Variants in ADAMTSL1 observed in about 807,000 individuals in gnomAD.
ADAMTSL1 encodes ADAMTS like 1.
A neutral mutation model predicts 201.8 loss-of-function variants in ADAMTSL1; 126 were observed. That is an observed-to-expected ratio of 0.62 (90% CI 0.54 to 0.72). The LOEUF (loss-of-function observed/expected upper bound fraction) is 0.72, where lower values mean the gene tolerates loss of function less well. ADAMTSL1 is among the 30% of genes least tolerant of loss of function. The pLI is 0.00. For synonymous variants in ADAMTSL1, 1,121 were observed against 903.4 expected, an observed-to-expected ratio of 1.24 and a Z score of -4.32; for missense variants, 2,679 against 2,277.8, an observed-to-expected ratio of 1.18 and a Z score of -3.59.
At chr9:18,521,328 A>G (rs898581417) in intron 2 of ADAMTSL1, among the ~76,000 whole-genome samples, 16 of 152,198 alleles carry the variant, frequency 1.1e-4, no homozygotes, top group African/African-American at 3.9e-4. Flanking sequence ...TTTGTAACAC[A>G]AAGGATAAGT....
intron 20 of ADAMTSL1, among the ~76,000 whole-genome samples, chr9:18,809,246 G>A (rs577092255): frequency 6.6e-6 from 1 of 152,308 alleles, no homozygotes; most frequent in East Asian, 1.9e-4. Flanking sequence ...TGCTTTATAT[G>A]GAGTGGTTAG....
Position 18,102,699 on chromosome 9 carries a change from A to T in ADAMTSL1, c.88-61163A>T, listed in dbSNP as rs58927234. Among the ~76,000 whole-genome samples the T allele has an allele frequency of 3.0e-3, 453 of 152,310 alleles. 3 individuals are homozygous for T. Among genetic ancestry groups the T allele is most frequent in the African/African-American group, 0.01 (421 of 41,566 alleles). ...AAATCATGGCGTGTGTCCAGTCAGT[A>T]CCAAATAGACCAGTTTTTCTGTATG... On this transcript the variant is annotated intron_variant, in intron 1 of 29. Coordinates refer to the ADAMTSL1 transcript ENST00000680146.
chr9:18,395,505 G>A (rs1392115413), intron 2 of ADAMTSL1, among the ~76,000 whole-genome samples: 1 of 152,132 alleles, frequency 6.6e-6, no homozygotes, highest in African/African-American at 2.4e-5. Context: ...AAAGCCTTGA[G>A]GATTTGCACT....
intron 15 of ADAMTSL1, among the ~76,000 whole-genome samples, chr9:18,748,996 G>A (rs765698680): frequency 2.0e-5 from 3 of 152,236 alleles, no homozygotes; most frequent in South Asian, 2.1e-4. Flanking sequence ...TAGATGCATC[G>A]CTCCAGTCTC....
intron 1 of ADAMTSL1, among the ~76,000 whole-genome samples, chr9:18,482,027 A>G (rs927608683): frequency 6.6e-6 from 1 of 152,238 alleles, no homozygotes; most frequent in Non-Finnish European, 1.5e-5. Flanking sequence ...ATTTGGAATT[A>G]TATTTCTGTC....
chr9:18,732,194 T>C (rs974160451), intron 15 of ADAMTSL1, among the ~76,000 whole-genome samples: 1 of 152,222 alleles, frequency 6.6e-6, no homozygotes, highest in African/African-American at 2.4e-5. Flanking sequence ...TAGACCTTCA[T>C]AATAATTTTA....
chr9:18,523,127 C>G (rs1041705710), intron 2 of ADAMTSL1, among the ~76,000 whole-genome samples: 17 of 152,018 alleles, frequency 1.1e-4, no homozygotes, highest in Admixed American at 7.9e-4. Context: ...TTTAATGATC[C>G]CCATTCTAAC....
intron 23 of ADAMTSL1, among the ~76,000 whole-genome samples, chr9:18,883,663 A>G (rs1051928684): frequency 6.6e-6 from 1 of 152,196 alleles, no homozygotes; most frequent in African/African-American, 2.4e-5. Flanking sequence ...AAGTGGAATC[A>G]TACAATATTT....
chr9:18,101,603 G>A (rs1344406078), intron 1 of ADAMTSL1, among the ~76,000 whole-genome samples: 1 of 152,166 alleles, frequency 6.6e-6, no homozygotes, highest in African/African-American at 2.4e-5. Context: ...ATATTTGTTA[G>A]TTGAGCCCCT....
chr9:18,421,805 T>G (rs922900999), intron 2 of ADAMTSL1, among the ~76,000 whole-genome samples: 2 of 152,142 alleles, frequency 1.3e-5, no homozygotes, highest in African/African-American at 4.8e-5. Flanking sequence ...TAAATGGTAG[T>G]TATTACAGGT....
intron 2 of ADAMTSL1, among the ~76,000 whole-genome samples, chr9:18,220,366 G>A (rs375435514): frequency 6.6e-6 from 1 of 152,228 alleles, no homozygotes; most frequent in African/African-American, 2.4e-5. Context: ...TTACCATTAT[G>A]TAGTGACCCT....
intron 23 of ADAMTSL1, among the ~76,000 whole-genome samples, chr9:18,886,718 CA>C (rs1313078451): frequency 6.6e-6 from 1 of 152,192 alleles, no homozygotes; most frequent in African/African-American, 2.4e-5. Flanking sequence ...TTCGTGAGGA[CA>C]GAGCCCATGT....
At chr9:18,843,531 A>G (rs1490511047) in intron 23 of ADAMTSL1, among the ~76,000 whole-genome samples, 1 of 150,382 alleles carries the variant, frequency 6.6e-6, no homozygotes, top group African/African-American at 2.5e-5. Context: ...GCTCTTCTCG[A>G]GGAGTATCTT....
rs144705055 is a variant in ADAMTSL1, at chr9:18,263,664, A to G, written c.207+99683A>G. Among the ~76,000 whole-genome samples the G allele has an allele frequency of 6.0e-3, 919 of 152,274 alleles. 10 individuals are homozygous for G. The highest frequency in any genetic ancestry group is 0.021 in the African/African-American group (892 of 41,550). The stretch of plus-strand genomic sequence containing the variant: ...AAGTCCTAATCCCCAGTGGGGCTGT[A>G]TTTGGAGATGGACCCCCTAAGGGAG... On this transcript the variant is annotated intron_variant, in intron 2 of 29. Coordinates refer to the ADAMTSL1 transcript ENST00000680146.
intron 1 of ADAMTSL1, among the ~76,000 whole-genome samples, chr9:18,030,105 T>C (rs1035996959): frequency 1.3e-5 from 2 of 152,238 alleles, no homozygotes; most frequent in Non-Finnish European, 2.9e-5. Context: ...CACATATGTT[T>C]ATTGCGGCAT....
At chr9:18,266,929 T>C (rs1832140668) in intron 2 of ADAMTSL1, among the ~76,000 whole-genome samples, 1 of 152,164 alleles carries the variant, frequency 6.6e-6, no homozygotes, top group South Asian at 2.1e-4. Flanking sequence ...CCTGTTGGAA[T>C]TGCATTGTTT....
intron 2 of ADAMTSL1, among the ~76,000 whole-genome samples, chr9:18,166,425 A>G (rs1186094015): frequency 1.3e-5 from 2 of 151,972 alleles, no homozygotes; most frequent in Non-Finnish European, 2.9e-5. Context: ...ATAAATGTGA[A>G]CATCCTTCTA....
chr9:18,042,125 A>T (rs2131637243), intron 1 of ADAMTSL1, among the ~76,000 whole-genome samples: 1 of 151,910 alleles, frequency 6.6e-6, no homozygotes, highest in South Asian at 2.1e-4. Flanking sequence ...TACGAACACT[A>T]AGAAAGTGGA....
At chr9:17,927,791 T>A (rs562407729) in intron 1 of ADAMTSL1, among the ~76,000 whole-genome samples, 103 of 151,590 alleles carry the variant, frequency 6.8e-4, no homozygotes, top group African/African-American at 2.4e-3. Context: ...CATCTGTGGA[T>A]TTTTGTGTTC....
Sources: allele counts gnomAD v4.1 joint callset (sites outside exome capture counted in the v4.1 genomes callset), GRCh38; gene constraint gnomAD v4.1.1; transcripts MANE v1.5; gene names NCBI Gene and HGNC (gene_info 2026-07-23, HGNC 2026-07-21).